SDK1: variants seen among roughly 807,000 people sequenced by gnomAD.
The protein encoded by SDK1 is protein sidekick-1.
In SDK1, 157 loss-of-function variants were observed where a neutral mutation model predicts 245.5. The observed-to-expected ratio is 0.64, with a 90% confidence interval of 0.56 to 0.73. The LOEUF (loss-of-function observed/expected upper bound fraction) is 0.73, where lower values mean the gene tolerates loss of function less well. Among genes scored for constraint, SDK1 ranks in the 30% least tolerant of loss-of-function variants. The pLI, the probability that SDK1 is intolerant of heterozygous loss-of-function variation, is 0.00. For missense variants in SDK1, 3,583 were observed against 3,002.3 expected, an observed-to-expected ratio of 1.19 and a Z score of -4.52; for synonymous variants, 1,647 against 1,278.5, an observed-to-expected ratio of 1.29 and a Z score of -6.15.
chr7:3,951,751 G>T lies in SDK1; in HGVS notation c.981G>T (p.Val327=). Residue 327 remains valine, a synonymous_variant, in exon 7 of 45, where the codon GTG becomes GTT. Coordinates refer to ENST00000404826, the MANE Select transcript of SDK1 (RefSeq NM_152744.4). Reference sequence around the variant, plus strand: ...ACAGGCCTGTGGAGGACCTGAGTGTGACCTGGAAGAGGAATGGAGTGAGAA... The same window carrying T: ...ACAGGCCTGTGGAGGACCTGAGTGTTACCTGGAAGAGGAATGGAGTGAGAA... ...ASARPVEDLS[V]TWKRNGVRIT... is the part of the protein sequence containing the mutation. The T allele has an allele frequency of 6.2e-7, 1 of 1,613,602 alleles. No homozygotes were observed. The highest frequency in any genetic ancestry group is 1.1e-5 in the South Asian group (1 of 91,078).
chr7:4,117,000 C>CA (rs1237459814), intron 25 of SDK1, among the ~76,000 whole-genome samples: 1 of 152,182 alleles, frequency 6.6e-6, no homozygotes, highest in African/African-American at 2.4e-5. Flanking sequence ...ACGTGGATTT[C>CA]AAAAATCTCT....
rs374214333 is a variant in SDK1, at chr7:4,266,776, G to T, written c.*1392G>T. On this transcript the variant is annotated 3_prime_UTR_variant, in exon 45 of 45. Coordinates refer to ENST00000404826, the MANE Select transcript of SDK1 (RefSeq NM_152744.4). ...TGGATGGAACGGGAGCACTGCTGGT[G>T]CCCACTGGCGTGTGTGCCCCGGGTC... 12 of 985,456 alleles carry T rather than the reference G, an allele frequency of 1.2e-5. No individual in the cohort carries two copies. In the African/African-American group the frequency reaches 2.1e-4, roughly 17 times the overall value. The allele number at this position is 985,456 out of a possible 1,614,324, so 61.0% of individuals were successfully genotyped here. A position where few individuals can be genotyped will look rare whatever the true frequency, so the allele number is the denominator to read the frequency against.
intron 14 of SDK1, among the ~76,000 whole-genome samples, chr7:3,988,132 G>GTTTTTTTTTT (rs71032919): frequency 1.2e-5 from 1 of 85,422 alleles, no homozygotes; most frequent in Admixed American, 1.4e-4. Context: ...TCTTTTTAAT[G>GTTTTTTTTTT]TTTTTTTTTT....
At chr7:4,178,674 G>T in intron 35 of SDK1, 88 bp downstream of exon 35, 1 of 879,364 alleles carries the variant, frequency 1.1e-6, no homozygotes, top group Non-Finnish European at 1.9e-6. Flanking sequence ...CCCCTCAGGT[G>T]TCCAGCAGCG....
intron 35 of SDK1, among the ~76,000 whole-genome samples, chr7:4,195,727 G>T (rs905385057): frequency 6.6e-6 from 1 of 152,134 alleles, no homozygotes; most frequent in Non-Finnish European, 1.5e-5. Context: ...CAATCTCCTT[G>T]CCTGCAGGGC....
At chr7:4,186,496 T>A (rs1394746897) in intron 35 of SDK1, among the ~76,000 whole-genome samples, 2 of 152,338 alleles carry the variant, frequency 1.3e-5, no homozygotes, top group Admixed American at 6.5e-5. Context: ...TTGGAGCCTG[T>A]GGCCTCGTGG....
At position 3,997,724 on chromosome 7, in the gene SDK1, C is replaced by T. The variant is rs1012432072; in HGVS notation, c.2131+10402C>T. 2.0e-5 allele frequency among the ~76,000 whole-genome samples: 3 copies of T among 152,128 alleles called. No individual in the cohort carries two copies. The East Asian group carries it at 5.8e-4, about 29-fold the overall frequency. On this transcript the variant is annotated intron_variant, in intron 14 of 44. Transcript: ENST00000404826. ...ACCATGAGTGGGCCTGGAAAAGGCA[C>T]CACAAGTTCCCACTCCAGCCAGGGG...
intron 1 of SDK1, among the ~76,000 whole-genome samples, chr7:3,437,768 C>G (rs962166259): frequency 6.6e-6 from 1 of 152,048 alleles, no homozygotes; most frequent in Non-Finnish European, 1.5e-5. Flanking sequence ...ATTAATAATA[C>G]TAAAAAAATT....
chr7:3,392,422 T>G (rs1196688425), intron 1 of SDK1, among the ~76,000 whole-genome samples: 1 of 152,166 alleles, frequency 6.6e-6, no homozygotes, highest in Non-Finnish European at 1.5e-5. Flanking sequence ...TAGTTTTCTT[T>G]TATATATACT....
At chr7:3,439,966 T>C (rs1365867213) in intron 1 of SDK1, among the ~76,000 whole-genome samples, 1 of 152,194 alleles carries the variant, frequency 6.6e-6, no homozygotes, top group Admixed American at 6.5e-5. Context: ...TATGGAGATA[T>C]AATTGAAATA....
intron 1 of SDK1, among the ~76,000 whole-genome samples, chr7:3,358,976 C>A (rs1056079393): frequency 6.6e-6 from 1 of 152,088 alleles, no homozygotes; most frequent in Non-Finnish European, 1.5e-5. Context: ...AATCACAGCC[C>A]TGGTTTTTAG....
chr7:4,013,927 G>T (rs1786180140), intron 16 of SDK1, among the ~76,000 whole-genome samples: 1 of 152,204 alleles, frequency 6.6e-6, no homozygotes, highest in African/African-American at 2.4e-5. Flanking sequence ...GATCCCCTGG[G>T]ACAGTTCCTA....
At chr7:3,764,325 C>G (rs1225600360) in intron 4 of SDK1, among the ~76,000 whole-genome samples, 3 of 152,128 alleles carry the variant, frequency 2.0e-5, no homozygotes, top group Admixed American at 2.0e-4. Context: ...CAAAATACCC[C>G]CCTTTTTTAC....
intron 1 of SDK1, among the ~76,000 whole-genome samples, chr7:3,357,354 T>C (rs1780830994): frequency 1.3e-5 from 1 of 77,786 alleles, no homozygotes; most frequent in African/African-American, 5.3e-5. Context: ...TTTTTTTTTT[T>C]TTTTTTTTTT....
intron 4 of SDK1, among the ~76,000 whole-genome samples, chr7:3,687,545 G>T (rs1186882825): frequency 6.6e-6 from 1 of 152,174 alleles, no homozygotes; most frequent in Non-Finnish European, 1.5e-5. Flanking sequence ...GCACTGAAAA[G>T]GTGTGAACTG....
chr7:3,481,196 A>G (rs1024493114), intron 1 of SDK1, among the ~76,000 whole-genome samples: 1 of 152,206 alleles, frequency 6.6e-6, no homozygotes, highest in East Asian at 1.9e-4. Context: ...TTTTTGGGCA[A>G]TAATCCTTTA....
At chr7:3,912,913 G>A (rs1316986436) in intron 5 of SDK1, among the ~76,000 whole-genome samples, 3 of 152,194 alleles carry the variant, frequency 2.0e-5, no homozygotes, top group Non-Finnish European at 2.9e-5. Flanking sequence ...CTGTTCCCAC[G>A]AGATGCAAGT....
At chr7:3,726,813 G>A (rs1202201306) in intron 4 of SDK1, among the ~76,000 whole-genome samples, 3 of 152,142 alleles carry the variant, frequency 2.0e-5, no homozygotes, top group African/African-American at 7.2e-5. Flanking sequence ...TCTATTAAAT[G>A]TTCTACCAAC....
intron 1 of SDK1, among the ~76,000 whole-genome samples, chr7:3,464,196 G>A (rs538000108): frequency 6.6e-6 from 1 of 152,228 alleles, no homozygotes; most frequent in East Asian, 1.9e-4. Context: ...GCAGTTTTTT[G>A]GGGACAGAGT....
Sources: gnomAD v4.1 joint callset for allele counts (sites outside exome capture counted in the v4.1 genomes callset) on GRCh38, gnomAD v4.1.1 for gene constraint, MANE v1.5 for transcripts, NCBI Gene and HGNC (gene_info 2026-07-23, HGNC 2026-07-21) for gene names.